WDPCP: variants seen among roughly 807,000 people sequenced by gnomAD.
WDPCP encodes the protein WD repeat-containing and planar cell polarity effector protein fritz homolog.
Under a neutral mutation model 93.1 loss-of-function variants are expected in WDPCP, and 71 were observed. The observed-to-expected ratio is 0.76, with a 90% CI of 0.63 to 0.93. WDPCP has a LOEUF of 0.93. Among genes scored for constraint, WDPCP ranks in the 40% least tolerant of loss-of-function variants. The pLI, the probability that WDPCP is intolerant of heterozygous loss-of-function variation, is 0.00. For missense variants in WDPCP, 844 were observed against 887.4 expected, an observed-to-expected ratio of 0.95 and a Z score of 0.62; for synonymous variants, 315 against 315.0, an observed-to-expected ratio of 1.00 and a Z score of 0.00.
chr2:63,483,499 C>T (rs1321588132), intron 6 of WDPCP, among the ~76,000 whole-genome samples: 1 of 151,592 alleles, frequency 6.6e-6, no homozygotes, highest in African/African-American at 2.4e-5. Context: ...TAAATAGTTG[C>T]CTCCATGAGT....
intron 1 of WDPCP, among the ~76,000 whole-genome samples, chr2:63,548,696 T>C (rs1705338075): frequency 6.6e-6 from 1 of 151,898 alleles, no homozygotes; most frequent in East Asian, 1.9e-4. Flanking sequence ...GCTCTCGCCA[T>C]GTTGCCCAGG....
chr2:63,722,659 G>GGC (rs1553452648), intron 2 of WDPCP, among the ~76,000 whole-genome samples: 9 of 129,182 alleles, frequency 7.0e-5, no homozygotes, highest in Admixed American at 6.9e-4. Context: ...GAGGGAGGTG[G>GGC]GGGGGGGTCA....
chr2:63,509,573 T>G (rs1702095672), intron 1 of WDPCP, among the ~76,000 whole-genome samples: 1 of 151,752 alleles, frequency 6.6e-6, no homozygotes, highest in Admixed American at 6.6e-5. Context: ...AAGAAATAAC[T>G]AAGATCAGAG....
chr2:63,350,576 G>A lies in WDPCP; in HGVS notation c.1748+27810C>T, dbSNP rs542460004. 8.3e-4 allele frequency among the ~76,000 whole-genome samples: 126 copies of A among 152,112 alleles called. 3 individuals carry two copies. The South Asian group carries it at 0.024, about 29-fold the overall frequency. ...CCCATTGTCAGTCCCTGGAAGTTGC[G>A]GGTTTAAGGCTTACACTGTGAGCTA... On this transcript the variant is annotated intron_variant, in intron 12 of 17. Transcript: ENST00000272321.
At chr2:63,512,435 T>C (rs1280830280) in intron 1 of WDPCP, among the ~76,000 whole-genome samples, 1 of 152,214 alleles carries the variant, frequency 6.6e-6, no homozygotes, top group Non-Finnish European at 1.5e-5. Context: ...TAAAGACATA[T>C]GCACATCTAT....
At chr2:63,230,795 G>A (rs1678798733) in intron 14 of WDPCP, among the ~76,000 whole-genome samples, 1 of 152,014 alleles carries the variant, frequency 6.6e-6, no homozygotes, top group Non-Finnish European at 1.5e-5. Context: ...ATTTTTTCTT[G>A]TGAATTTGTT....
intron 6 of WDPCP, among the ~76,000 whole-genome samples, chr2:63,474,732 T>C (rs1463097943): frequency 6.6e-6 from 1 of 152,150 alleles, no homozygotes. Flanking sequence ...CAGTGTTGGG[T>C]TCACGTGTTT....
intron 2 of WDPCP, among the ~76,000 whole-genome samples, chr2:63,709,036 C>G (rs1392922159): frequency 1.8e-5 from 2 of 109,752 alleles, no homozygotes; most frequent in African/African-American, 7.2e-5. Context: ...GCCTGGCCAA[C>G]ATGGTGAAAC....
chr2:63,404,807 G>T, intron 9 of WDPCP, 150 bp from the exon 10 acceptor site: 1 of 886,976 alleles, frequency 1.1e-6, no homozygotes, highest in Non-Finnish European at 1.7e-6. Context: ...AGTACATATA[G>T]CACATCTATC....
chr2:63,650,198 T>G (rs571006284), intron 3 of WDPCP, among the ~76,000 whole-genome samples: 1 of 152,206 alleles, frequency 6.6e-6, no homozygotes, highest in Non-Finnish European at 1.5e-5. Context: ...TTTTCAAACT[T>G]TAGCTTGAGT....
intron 14 of WDPCP, among the ~76,000 whole-genome samples, chr2:63,230,179 T>G (rs993249404): frequency 6.8e-6 from 1 of 147,214 alleles, no homozygotes; most frequent in South Asian, 2.3e-4. Flanking sequence ...AGTGAGAACA[T>G]GCAGTGTTTG....
chr2:63,745,527 G>C (rs1223817552), intron 2 of WDPCP, among the ~76,000 whole-genome samples: 1 of 152,110 alleles, frequency 6.6e-6, no homozygotes, highest in South Asian at 2.1e-4. Context: ...ATTAGACAAG[G>C]TAATGATTTT....
intron 2 of WDPCP, among the ~76,000 whole-genome samples, chr2:63,710,898 T>A (rs1669252775): frequency 6.6e-6 from 1 of 152,128 alleles, no homozygotes; most frequent in South Asian, 2.1e-4. Flanking sequence ...ATCCTGGACT[T>A]TGAGGTATGA....
At chr2:63,179,066 T>C (rs967097231) in intron 14 of WDPCP, among the ~76,000 whole-genome samples, 13 of 152,050 alleles carry the variant, frequency 8.5e-5, no homozygotes, top group Non-Finnish European at 1.2e-4. Flanking sequence ...CTAGGCGTGG[T>C]AGCTCATGCC....
chr2:63,586,694 T>C (rs983431889), intron 1 of WDPCP, among the ~76,000 whole-genome samples: 1 of 152,228 alleles, frequency 6.6e-6, no homozygotes, highest in Admixed American at 6.5e-5. Flanking sequence ...ACAAGGCCCG[T>C]GAACTACCAC....
chr2:63,591,445 TGTTCATTAG>T (rs1317300998), upstream of WDPCP, among the ~76,000 whole-genome samples: 1 of 152,258 alleles, frequency 6.6e-6, no homozygotes, highest in Non-Finnish European at 1.5e-5. Context: ...TGGAATTAAC[TGTTCATTAG>T]GTGGCCACAA....
At chr2:63,710,347 C>T (rs544519620) in intron 2 of WDPCP, among the ~76,000 whole-genome samples, 23 of 152,326 alleles carry the variant, frequency 1.5e-4, no homozygotes, top group South Asian at 1.5e-3. Context: ...TCTCTCCATA[C>T]GCTTTGTGAG....
intron 6 of WDPCP, among the ~76,000 whole-genome samples, chr2:63,480,260 T>A (rs889505067): frequency 1.3e-5 from 2 of 152,126 alleles, no homozygotes; most frequent in African/African-American, 2.4e-5. Context: ...TGGAAATACA[T>A]CCCATGCTCA....
At chr2:63,267,356 A>G (rs1682224095) in intron 13 of WDPCP, among the ~76,000 whole-genome samples, 1 of 152,180 alleles carries the variant, frequency 6.6e-6, no homozygotes, top group African/African-American at 2.4e-5. Flanking sequence ...AAAATGGATA[A>G]AAGATAGTAT....
Sources: gnomAD v4.1 joint callset for allele counts (sites outside exome capture counted in the v4.1 genomes callset) on GRCh38, gnomAD v4.1.1 for gene constraint, MANE v1.5 for transcripts, NCBI Gene and HGNC (gene_info 2026-07-23, HGNC 2026-07-21) for gene names.